KIAA1217: variants seen among roughly 807,000 people sequenced by gnomAD.
KIAA1217 encodes KIAA1217.
A neutral mutation model predicts 163.9 loss-of-function variants in KIAA1217; 88 were observed. That is an observed-to-expected ratio of 0.54 (90% CI 0.45 to 0.64). KIAA1217 has a LOEUF of 0.64. Among genes scored for constraint, KIAA1217 ranks in the 30% least tolerant of loss-of-function variants. The pLI is 0.00. For missense variants in KIAA1217, 2,372 were observed against 2,475.0 expected, an observed-to-expected ratio of 0.96 and a Z score of 0.88; for synonymous variants, 903 against 923.1, an observed-to-expected ratio of 0.98 and a Z score of 0.39.
chr10:24,302,385 C>T (rs1454578484), intron 2 of KIAA1217, among the ~76,000 whole-genome samples: 1 of 152,174 alleles, frequency 6.6e-6, no homozygotes, highest in South Asian at 2.1e-4. Flanking sequence ...TAGTGTCATT[C>T]TCAGGGCATG....
In KIAA1217 at chr10:24,044,187, T is replaced by C. The variant is rs1313541945; in HGVS notation, c.-171+36813T>C. 2.0e-5 allele frequency among the ~76,000 whole-genome samples: 3 copies of C among 152,176 alleles called. No homozygotes were observed. In the East Asian group the frequency reaches 5.8e-4, roughly 29 times the overall value. The stretch of plus-strand genomic sequence containing the variant: ...TTTAAATCCAACACATTGTATCATA[T>C]AGCACCAATAGAAACCTTTAATAGT... On this transcript the variant is annotated intron_variant, in intron 2 of 18. Coordinates refer to the KIAA1217 transcript ENST00000376462.
chr10:24,373,632 A>T (rs1447877983), intron 2 of KIAA1217, among the ~76,000 whole-genome samples: 2 of 152,176 alleles, frequency 1.3e-5, no homozygotes, highest in Non-Finnish European at 2.9e-5. Context: ...CACAGATAAT[A>T]CTCTATGGAG....
At chr10:23,938,689 C>G (rs1386394908) in intron 1 of KIAA1217, among the ~76,000 whole-genome samples, 3 of 151,692 alleles carry the variant, frequency 2.0e-5, no homozygotes, top group Non-Finnish European at 2.9e-5. Flanking sequence ...AAGGATGTGC[C>G]TCGGTTATGT....
At chr10:23,816,378 C>T (rs1434446614) in intron 1 of KIAA1217, among the ~76,000 whole-genome samples, 6 of 152,198 alleles carry the variant, frequency 3.9e-5, no homozygotes, top group Middle Eastern at 3.4e-3. Flanking sequence ...CTGCAACCTC[C>T]ACCTCCTGGG....
chr10:24,121,856 C>T (rs2063293097), intron 2 of KIAA1217, among the ~76,000 whole-genome samples: 1 of 151,904 alleles, frequency 6.6e-6, no homozygotes, highest in African/African-American at 2.4e-5. Flanking sequence ...AATTTGCCAC[C>T]TTTATTACAT....
chr10:24,068,920 C>T (rs1364913718), intron 2 of KIAA1217, among the ~76,000 whole-genome samples: 1 of 152,188 alleles, frequency 6.6e-6, no homozygotes, highest in Non-Finnish European at 1.5e-5. Context: ...CTCCTTTGTT[C>T]TCAGTAGCCC....
chr10:23,854,748 G>C (rs892924505), intron 1 of KIAA1217, among the ~76,000 whole-genome samples: 4 of 152,098 alleles, frequency 2.6e-5, no homozygotes, highest in African/African-American at 9.7e-5. Context: ...TTGTTGAATT[G>C]GTCCCTTTAC....
chr10:24,401,796 T>C (rs1032537617), intron 3 of KIAA1217, among the ~76,000 whole-genome samples: 1 of 151,332 alleles, frequency 6.6e-6, no homozygotes, highest in Admixed American at 6.6e-5. Context: ...TGTTTGCAGA[T>C]GACATTATCT....
chr10:23,753,161 G>A (rs776492678), intron 1 of KIAA1217, among the ~76,000 whole-genome samples: 1 of 152,168 alleles, frequency 6.6e-6, no homozygotes, highest in Non-Finnish European at 1.5e-5. Flanking sequence ...TTGACAAATA[G>A]TGGTGCCAAA....
intron 5 of KIAA1217, among the ~76,000 whole-genome samples, chr10:24,469,094 A>G (rs2063226876): frequency 6.7e-6 from 1 of 149,872 alleles, no homozygotes; most frequent in African/African-American, 2.4e-5. Context: ...GGACAGTTCT[A>G]TACTCTCTAG....
chr10:23,876,751 T>G (rs183275404), intron 1 of KIAA1217, among the ~76,000 whole-genome samples: 4 of 152,120 alleles, frequency 2.6e-5, no homozygotes, highest in Admixed American at 2.6e-4. Context: ...GTGCTTTTTT[T>G]TTCTTGCCTT....
chr10:24,375,437 C>T (rs750321150), intron 2 of KIAA1217, among the ~76,000 whole-genome samples: 1 of 152,048 alleles, frequency 6.6e-6, no homozygotes, highest in East Asian at 1.9e-4. Context: ...TTTGGAGTAC[C>T]GTGAAGCAGG....
chr10:24,459,995 C>T (rs932720825), intron 5 of KIAA1217, among the ~76,000 whole-genome samples: 8 of 152,080 alleles, frequency 5.3e-5, no homozygotes, highest in Non-Finnish European at 8.8e-5. Flanking sequence ...ATGCTAGTTC[C>T]GGGACTCCCC....
chr10:24,161,371 A>G (rs965264521), intron 2 of KIAA1217, among the ~76,000 whole-genome samples: 1 of 152,174 alleles, frequency 6.6e-6, no homozygotes, highest in African/African-American at 2.4e-5. Context: ...ACAGCAAGAG[A>G]GCCTTTCAGC....
At chr10:24,495,928 C>T (rs952788917) in intron 8 of KIAA1217, among the ~76,000 whole-genome samples, 1 of 152,202 alleles carries the variant, frequency 6.6e-6, no homozygotes, top group Non-Finnish European at 1.5e-5. Flanking sequence ...TTAGTAGTGG[C>T]GTTCACTAGT....
intron 6 of KIAA1217, among the ~76,000 whole-genome samples, chr10:24,483,906 A>G (rs1592292544): frequency 6.6e-6 from 1 of 152,184 alleles, no homozygotes; most frequent in Non-Finnish European, 1.5e-5. Context: ...GGCACCCAGC[A>G]GAGAGCCAAC....
chr10:24,445,388 AATT>A (rs1164438702), intron 5 of KIAA1217, among the ~76,000 whole-genome samples: 4 of 152,024 alleles, frequency 2.6e-5, no homozygotes, highest in African/African-American at 9.7e-5. Flanking sequence ...TTCTGTTTTT[AATT>A]ATTATTATAC....
intron 2 of KIAA1217, among the ~76,000 whole-genome samples, chr10:24,373,702 G>A (rs1028627667): frequency 6.6e-6 from 1 of 152,150 alleles, no homozygotes; most frequent in Non-Finnish European, 1.5e-5. Context: ...TCTGCACAGA[G>A]GTGTCCTTGT....
intron 2 of KIAA1217, among the ~76,000 whole-genome samples, chr10:24,089,606 A>T (rs989572061): frequency 6.6e-6 from 1 of 151,714 alleles, no homozygotes; most frequent in Non-Finnish European, 1.5e-5. Context: ...AGATAGTTGT[A>T]GATGTGTGGC....
Sources: allele counts gnomAD v4.1 joint callset (sites outside exome capture counted in the v4.1 genomes callset), GRCh38; gene constraint gnomAD v4.1.1; transcripts MANE v1.5; gene names NCBI Gene and HGNC (gene_info 2026-07-23, HGNC 2026-07-21).